The following DNM1 variants were observed in gnomAD, a reference collection of about 807,000 sequenced individuals.
DNM1 encodes the protein dynamin 1.
In DNM1, 29 loss-of-function variants were observed where a neutral mutation model predicts 104.6. The ratio of observed to expected loss-of-function variants is 0.28; its 90% CI spans 0.21 to 0.38. DNM1 has a LOEUF of 0.38. Ranked by LOEUF, DNM1 falls within the 10% of genes least tolerant of loss-of-function variation. DNM1 has a pLI of 1.00. For missense variants in DNM1, 640 were observed against 1,189.4 expected (o/e 0.54, Z 6.79); for synonymous variants, 445 against 475.8 (o/e 0.94, Z 0.84).
chr9:128,217,298 G>A (rs1834670146), intron 1 of DNM1, among the ~76,000 whole-genome samples: 1 of 152,196 alleles, frequency 6.6e-6, no homozygotes, highest in African/African-American at 2.4e-5. Context: ...TCTCTAAGGT[G>A]CAGCTCCCTC....
In DNM1 at chr9:128,243,009, G is replaced by A. The variant is rs940076997; in HGVS notation, c.1671+664G>A. ...GCCGCCTCCTCTGTGGCCCCCACAG[G>A]CCCATGACACACACAAGTCTAGCTG... On this transcript the variant is annotated intron_variant, in intron 15 of 21. Transcript: ENST00000372923. This position sits in a 1 kb window ranked among gnomAD's most constrained non-coding sequence, Gnocchi z 4.0. 5.9e-5 allele frequency among the ~76,000 whole-genome samples: 9 copies of A among 152,116 alleles called. No individual in the cohort carries two copies. Among genetic ancestry groups the A allele is most frequent in the African/African-American group, 2.2e-4 (9 of 41,422 alleles).
In DNM1 at chr9:128,222,013, A is replaced by C. The variant is rs1034505636; in HGVS notation, c.850-184A>C. Among the ~76,000 whole-genome samples, 2 of 152,224 alleles carry C rather than the reference A, an allele frequency of 1.3e-5. No individual in the cohort carries two copies. Among genetic ancestry groups the C allele is most frequent in the African/African-American group, 4.8e-5 (2 of 41,456 alleles). The stretch of plus-strand genomic sequence containing the variant: ...TTGAAAATTATGCACTCATTAATTC[A>C]ACTAATACATCTCTGCAAGCTCCTT... On this transcript the variant is annotated intron_variant, in intron 6 of 21. Coordinates refer to ENST00000372923, the MANE Select transcript of DNM1 (RefSeq NM_004408.4). The surrounding 1 kb of genome is among the most constrained non-coding windows in gnomAD (Gnocchi z 7.8).
At chr9:128,208,902 TC>T (rs1834127338) in intron 1 of DNM1, among the ~76,000 whole-genome samples, 2 of 152,218 alleles carry the variant, frequency 1.3e-5, no homozygotes, top group African/African-American at 4.8e-5. Context: ...GGTGTGGACT[TC>T]CGCAGGTGCA....
chr9:128,253,948 C>T lies in DNM1; in HGVS notation c.2535-706C>T. Reference sequence around the variant, plus strand: ...GCCTGCTGGCCCAGCTGAGCTCCGCCCAGTGAGCCCACCCCCCATTCTCCT... The same window carrying T: ...GCCTGCTGGCCCAGCTGAGCTCCGCTCAGTGAGCCCACCCCCCATTCTCCT... On this transcript the variant is annotated intron_variant, in intron 21 of 21. Coordinates refer to ENST00000372923, the MANE Select transcript of DNM1 (RefSeq NM_004408.4). The surrounding 1 kb of genome is among the most constrained non-coding windows in gnomAD (Gnocchi z 5.9). The T allele has an allele frequency of 1.6e-6, 2 of 1,233,452 alleles. No homozygotes were observed. Among genetic ancestry groups the T allele is most frequent in the Non-Finnish European group, 2.0e-6 (2 of 989,008 alleles). 76.4% of individuals were successfully genotyped at this position (1,233,452 alleles called of 1,614,324 possible). A position where few individuals can be genotyped will look rare whatever the true frequency, so the allele number is the denominator to read the frequency against.
In DNM1 at chr9:128,222,810, G is replaced by A. The variant is rs150617335; in HGVS notation, c.1146G>A (p.Lys382=). Residue 382 remains lysine (K), a synonymous_variant, in exon 9 of 22, where the codon AAG becomes AAA. Coordinates refer to ENST00000372923, the MANE Select transcript of DNM1 (RefSeq NM_004408.4). The surrounding 1 kb of genome is among the most constrained non-coding windows in gnomAD (Gnocchi z 7.8). ...FELVKMEFDE[K]ELRREISYAI... The stretch of plus-strand genomic sequence containing the variant: ...CTACACAGATGGAGTTTGATGAGAA[G>A]GAACTCCGAAGGGAGATCAGCTATG... 9.9e-6 allele frequency: 16 copies of A among 1,614,026 alleles called. No individual in the cohort carries two copies. Among genetic ancestry groups the A allele is most frequent in the East Asian group, 8.9e-5 (4 of 44,898 alleles).
rs541402943 is a variant in DNM1 at position 128,222,363 on chromosome 9, A to C, written c.992+24A>C. On this transcript the variant is annotated intron_variant, in intron 7 of 21. Transcript: ENST00000372923. The surrounding 1 kb of genome is among the most constrained non-coding windows in gnomAD (Gnocchi z 7.8). ...CAGTGAGGCTCCCCCAGCTCCTATC[A>C]CTGAATCCCCGCCCCCAGCCTCTCA... 3.6e-5 allele frequency: 58 copies of C among 1,609,288 alleles called. No individual in the cohort carries two copies. The East Asian group carries it at 8.5e-4, about 24-fold the overall frequency.
chr9:128,222,825 G>A lies in DNM1; in HGVS notation c.1161G>A (p.Glu387=), dbSNP rs998519750. The A allele has an allele frequency of 7.4e-6, 12 of 1,614,018 alleles. No individual in the cohort carries two copies. Among genetic ancestry groups the A allele is most frequent in the African/African-American group, 1.3e-5 (1 of 74,920 alleles). ...MEFDEKELRR[E]ISYAIKNIHG... is the part of the protein sequence containing the mutation. ...TTGATGAGAAGGAACTCCGAAGGGA[G>A]ATCAGCTATGCTATCAAGAATATCC... Residue 387 remains glutamate, a synonymous_variant, in exon 9 of 22, where the codon GAG becomes GAA. Coordinates refer to ENST00000372923, the MANE Select transcript of DNM1 (RefSeq NM_004408.4). The surrounding 1 kb of genome is among the most constrained non-coding windows in gnomAD (Gnocchi z 7.8).
intron 11 of DNM1, among the ~76,000 whole-genome samples, chr9:128,238,164 C>T (rs1281517399): frequency 1.3e-5 from 2 of 152,110 alleles, no homozygotes; most frequent in African/African-American, 4.8e-5. Flanking sequence ...TATGAGAGAG[C>T]TCATTTCCCA....
chr9:128,207,848 G>A (rs1207429696), intron 1 of DNM1, among the ~76,000 whole-genome samples: 2 of 152,112 alleles, frequency 1.3e-5, no homozygotes, highest in African/African-American at 4.8e-5. Flanking sequence ...GATGGCGTGG[G>A]CTGGGAGGTG....
At position 128,248,307 on chromosome 9, in the gene DNM1, A is replaced by G. The variant is rs1279883830; in HGVS notation, c.1906-276A>G. ...CCACTGCACTCCAGCCTGGGTGACA[A>G]AGCAAGACTTTCTCAAAATAATAAT... On this transcript the variant is annotated intron_variant, in intron 18 of 21. Coordinates refer to ENST00000372923, the MANE Select transcript of DNM1 (RefSeq NM_004408.4). The surrounding 1 kb of genome is among the most constrained non-coding windows in gnomAD (Gnocchi z 5.6). 3 of 483,706 alleles carry G rather than the reference A, an allele frequency of 6.2e-6. No homozygotes were observed. Among genetic ancestry groups the G allele is most frequent in the Non-Finnish European group, 1.1e-5 (3 of 270,618 alleles). 30.0% of individuals were successfully genotyped at this position (483,706 alleles called of 1,614,324 possible). A position where few individuals can be genotyped will look rare whatever the true frequency, so the allele number is the denominator to read the frequency against.
chr9:128,235,182 CG>C (rs1165957111), intron 11 of DNM1, among the ~76,000 whole-genome samples: 26 of 152,070 alleles, frequency 1.7e-4, no homozygotes, highest in African/African-American at 6.3e-4. Context: ...CAGGACCATC[CG>C]TATTGTAGCA....
intron 1 of DNM1, among the ~76,000 whole-genome samples, chr9:128,209,761 C>T (rs866008323): frequency 2.0e-5 from 3 of 152,320 alleles, no homozygotes; most frequent in Middle Eastern, 6.8e-3. Flanking sequence ...CCACCTTGGG[C>T]CTGGGCTGGT....
At chr9:128,219,932 G>A (rs1455881990) in intron 4 of DNM1, 56 bp from the exon 5 acceptor site, 4 of 1,414,554 alleles carry the variant, frequency 2.8e-6, no homozygotes, top group South Asian at 1.3e-5. Flanking sequence ...GGAGTGCATG[G>A]AATTGTGTGT....
intron 19 of DNM1, 42 bp from the exon 20 acceptor site, chr9:128,250,073 G>A (rs762150703): frequency 6.8e-6 from 11 of 1,613,426 alleles, no homozygotes; most frequent in Admixed American, 3.3e-5. Flanking sequence ...GGGCGGCACA[G>A]GCATCAGGTC....
rs1835250541 is a variant in DNM1 at position 128,224,868 on chromosome 9, C to T, written c.1335+479C>T. Among the ~76,000 whole-genome samples the T allele has an allele frequency of 6.6e-6, 1 of 152,182 alleles. No individual in the cohort carries two copies. Among genetic ancestry groups the T allele is most frequent in the Non-Finnish European group, 1.5e-5 (1 of 68,026 alleles). Reference sequence around the variant, plus strand: ...GACTAGCAGGTGCCCTGGCTCCCCGCTGTCCTTCATCCTCCCCATACTCAT... The same window carrying T: ...GACTAGCAGGTGCCCTGGCTCCCCGTTGTCCTTCATCCTCCCCATACTCAT... On this transcript the variant is annotated intron_variant, in intron 10 of 21. Coordinates refer to ENST00000372923, the MANE Select transcript of DNM1 (RefSeq NM_004408.4). This position sits in a 1 kb window ranked among gnomAD's most constrained non-coding sequence, Gnocchi z 4.3.
Position 128,254,677 on chromosome 9 carries a change from C to T in DNM1, c.2558C>T (p.Ser853Phe). 2 of 1,596,200 alleles carry T rather than the reference C, an allele frequency of 1.3e-6. No individual in the cohort carries two copies. Among genetic ancestry groups the T allele is most frequent in the Non-Finnish European group, 1.7e-6 (2 of 1,179,698 alleles). The change falls in exon 22 of 22, where the codon TCC (serine) becomes TTC (phenylalanine). Residue 853 changes from serine to phenylalanine, a missense_variant. Ser to Phe is a radical substitution (Grantham distance 155, BLOSUM62 -2). Transcript: ENST00000372923. This position sits in a 1 kb window ranked among gnomAD's most constrained non-coding sequence, Gnocchi z 6.1. ...AGCCGATCGGGTCAGGCAAGTCCATCCCGTCCTGAGAGCCCCAGGCCCCCC... is the reference window on the plus strand; with the variant it reads ...AGCCGATCGGGTCAGGCAAGTCCATTCCGTCCTGAGAGCCCCAGGCCCCCC... ...VPSRSGQASP[S>F]RPESPRPPFD...
chr9:128,243,909 G>A lies in DNM1; in HGVS notation c.1671+1564G>A, dbSNP rs1392840361. ...ATATGTGGGGAGATGGGAGTCAGCT[G>A]TGGGCTGTGGGTGCTGGGAGGCGGG... On this transcript the variant is annotated intron_variant, in intron 15 of 21. Coordinates refer to ENST00000372923, the MANE Select transcript of DNM1 (RefSeq NM_004408.4). This position sits in a 1 kb window ranked among gnomAD's most constrained non-coding sequence, Gnocchi z 4.0. Among the ~76,000 whole-genome samples the A allele has an allele frequency of 6.6e-6, 1 of 151,984 alleles. No individual in the cohort carries two copies. The highest frequency in any genetic ancestry group is 1.9e-4 in the East Asian group (1 of 5,194).
rs1836747190 is a variant in DNM1 at position 128,245,590 on chromosome 9, T to A, written c.1672-804T>A. ...CCTGTGCACAGATACACATAACTCC[T>A]CCCAGACAGCTCTAGATAAATCAAA... On this transcript the variant is annotated intron_variant, in intron 15 of 21. Transcript: ENST00000372923. The surrounding 1 kb of genome is among the most constrained non-coding windows in gnomAD (Gnocchi z 5.2). Among the ~76,000 whole-genome samples the A allele has an allele frequency of 6.6e-6, 1 of 151,824 alleles. No homozygotes were observed. Among genetic ancestry groups the A allele is most frequent in the Admixed American group, 6.6e-5 (1 of 15,226 alleles).
intron 10 of DNM1, among the ~76,000 whole-genome samples, chr9:128,226,522 G>C (rs1835352183): frequency 6.6e-6 from 1 of 152,222 alleles, no homozygotes; most frequent in South Asian, 2.1e-4. Context: ...CTAAGACGTG[G>C]GTAGTGTTGT....
Sources: gnomAD v4.1 joint callset for allele counts (sites outside exome capture counted in the v4.1 genomes callset) on GRCh38, gnomAD v4.1.1 for gene constraint, Gnocchi (gnomAD v3.1) non-coding constraint, MANE v1.5 for transcripts, NCBI Gene and HGNC (gene_info 2026-07-23, HGNC 2026-07-21) for gene names.